Variants in MALRD1 observed in about 807,000 individuals in gnomAD.
The protein encoded by MALRD1 is MAM and LDL receptor class A domain containing 1, also known as MAM and LDL-receptor class A domain-containing protein 1.
In MALRD1, 247 loss-of-function variants were observed where a neutral mutation model predicts 242.1. That is an observed-to-expected ratio of 1.02 (90% CI 0.92 to 1.13). The LOEUF is 1.13. Ranked by LOEUF, MALRD1 falls within the 50% of genes most tolerant of loss-of-function variation. The pLI is 0.00. For missense variants in MALRD1, 2,989 were observed against 2,533.1 expected (o/e 1.18, Z -3.86); for synonymous variants, 995 against 866.6 (o/e 1.15, Z -2.60).
chr10:19,696,891 G>A (rs1351800077), intron 38 of MALRD1, among the ~76,000 whole-genome samples: 1 of 152,092 alleles, frequency 6.6e-6, no homozygotes, highest in Non-Finnish European at 1.5e-5. Context: ...ACTCCAACCT[G>A]GGTGACAAAG....
rs1312987699 is a variant in MALRD1 at position 19,491,218 on chromosome 10, C to T, written c.5030-299C>T. 8.3e-6 allele frequency: 5 copies of T among 602,306 alleles called. No homozygotes were observed. The Admixed American group carries it at 1.2e-4, about 14-fold the overall frequency. 37.3% of individuals were successfully genotyped at this position (602,306 alleles called of 1,614,324 possible). ...GTGGCAGGCTGCACATACCCTTTAC[C>T]AGGTTCCAGGTAGTTGTGGGCCACA... On this transcript the variant is annotated intron_variant, in intron 29 of 39. Transcript: ENST00000454679.
chr10:19,486,405 T>C (rs1394262148), intron 29 of MALRD1, among the ~76,000 whole-genome samples: 4 of 152,314 alleles, frequency 2.6e-5, no homozygotes, highest in South Asian at 4.2e-4. Context: ...TTAGGACTTT[T>C]CTTAGATATG....
intron 28 of MALRD1, among the ~76,000 whole-genome samples, chr10:19,406,626 C>A (rs11815610): frequency 6.6e-6 from 1 of 151,902 alleles, no homozygotes; most frequent in African/African-American, 2.4e-5. Flanking sequence ...TTATTCATGA[C>A]GAATAAATAT....
At chr10:19,580,168 C>A (rs1021996796) in intron 33 of MALRD1, among the ~76,000 whole-genome samples, 1 of 152,144 alleles carries the variant, frequency 6.6e-6, no homozygotes, top group African/African-American at 2.4e-5. Flanking sequence ...TTAATATATT[C>A]TATCACTTTT....
intron 1 of MALRD1, among the ~76,000 whole-genome samples, chr10:19,059,772 G>A (rs60164187): frequency 0.077 from 11,767 of 152,026 alleles, 715 homozygotes; most frequent in East Asian, 0.3. Context: ...ATTAGCAATT[G>A]TGCTTATTTT....
At chr10:19,206,452 CT>C (rs1311477812) in intron 17 of MALRD1, among the ~76,000 whole-genome samples, 1 of 152,080 alleles carries the variant, frequency 6.6e-6, no homozygotes. Context: ...TTTCGAAAGC[CT>C]TTTCATCTTT....
At position 19,066,838 on chromosome 10, in the gene MALRD1, G is replaced by C; in HGVS notation, c.319G>C (p.Asp107His). 6.5e-6 allele frequency: 8 copies of C among 1,233,612 alleles called. No individual in the cohort carries two copies. The highest frequency in any genetic ancestry group is 7.1e-6 in the Non-Finnish European group (7 of 988,012). The allele number at this position is 1,233,612 out of a possible 1,614,324, so 76.4% of individuals were successfully genotyped here. A position where few individuals can be genotyped will look rare whatever the true frequency, so the allele number is the denominator to read the frequency against. ...GATTGGTCTATCACCTCCATTTTATGATCACAATGGTGATGTGTCTGGTAA... is the reference window on the plus strand; with the variant it reads ...GATTGGTCTATCACCTCCATTTTATCATCACAATGGTGATGTGTCTGGTAA... ...GMIGLSPPFY[D>H]HNGDVSAHFL... Residue 107 changes from aspartate (D) to histidine (H), a missense_variant, in exon 2 of 40, where the codon GAT becomes CAT. Coordinates refer to ENST00000454679, the MANE Select transcript of MALRD1 (RefSeq NM_001142308.3).
At chr10:19,159,985 A>G (rs1238356380) in intron 12 of MALRD1, among the ~76,000 whole-genome samples, 1 of 152,216 alleles carries the variant, frequency 6.6e-6, no homozygotes, top group Non-Finnish European at 1.5e-5. Flanking sequence ...CAATATTCAA[A>G]AAGAACTGTT....
intron 1 of MALRD1, among the ~76,000 whole-genome samples, chr10:19,064,604 T>C (rs1458021442): frequency 6.6e-6 from 1 of 150,994 alleles, no homozygotes; most frequent in Non-Finnish European, 1.5e-5. Context: ...GATGAAAAAA[T>C]GTTTTATTTA....
At chr10:19,495,812 G>A (rs1372406136) in intron 30 of MALRD1, among the ~76,000 whole-genome samples, 1 of 152,126 alleles carries the variant, frequency 6.6e-6, no homozygotes, top group Non-Finnish European at 1.5e-5. Flanking sequence ...CCAAGTGGTT[G>A]GCTGTCTTCA....
intron 28 of MALRD1, among the ~76,000 whole-genome samples, chr10:19,408,928 C>A (rs1028541648): frequency 6.6e-6 from 1 of 152,204 alleles, no homozygotes; most frequent in Non-Finnish European, 1.5e-5. Context: ...TATAATCCAG[C>A]AGTTGCACTG....
chr10:19,389,524 G>A lies in MALRD1; in HGVS notation c.4760G>A (p.Trp1587Ter), dbSNP rs1846244997. 6.4e-7 allele frequency: 1 copy of A among 1,550,540 alleles called. No individual in the cohort carries two copies. The highest frequency in any genetic ancestry group is 1.4e-5 in the African/African-American group (1 of 73,022). Residue 1587 changes from tryptophan (W) to a stop codon, truncating the protein, a stop_gained, in exon 28 of 40, where the codon TGG (tryptophan) becomes TAG (stop). Coordinates refer to ENST00000454679, the MANE Select transcript of MALRD1 (RefSeq NM_001142308.3). LOFTEE classifies it high-confidence loss of function. ...AAAGCACACTTCAGGAGTACCATGT[G>A]GCGAGAATCCAGTGCAGCCTGCACC... ...GDKAHFRSTM[W>*]RESSAACTMS...
At position 19,482,652 on chromosome 10, in the gene MALRD1, T is replaced by TACACACACACACACACACACAC. The variant is rs144094060; in HGVS notation, c.5030-8847_5030-8826dup. On this transcript the variant is annotated intron_variant, in intron 29 of 39. Coordinates refer to ENST00000454679, the MANE Select transcript of MALRD1 (RefSeq NM_001142308.3). ...AGAGCACAATCCCATTTACAATAGC[T>TACACACACACACACACACACAC]ACACACACACACACACACACACACA... is the stretch of plus-strand genomic sequence containing the variant. 8.8e-5 allele frequency among the ~76,000 whole-genome samples: 12 copies of TACACACACACACACACACACAC among 136,434 alleles called. No homozygotes were observed. In the East Asian group the frequency reaches 2.0e-3, roughly 23 times the overall value. 89.5% of individuals were successfully genotyped at this position (136,434 alleles called of 152,430 possible). A position where few individuals can be genotyped will look rare whatever the true frequency, so the allele number is the denominator to read the frequency against.
At chr10:19,194,013 A>G (rs1003712373) in intron 14 of MALRD1, among the ~76,000 whole-genome samples, 1 of 151,974 alleles carries the variant, frequency 6.6e-6, no homozygotes, top group Non-Finnish European at 1.5e-5. Context: ...CATCTACATT[A>G]CTATAGTATA....
At chr10:19,158,467 G>A (rs1003658470) in intron 12 of MALRD1, among the ~76,000 whole-genome samples, 2 of 152,226 alleles carry the variant, frequency 1.3e-5, no homozygotes, top group African/African-American at 4.8e-5. Context: ...CCAAAGTAAA[G>A]TTTATGAGGG....
At chr10:19,179,010 G>A (rs1215214967) in intron 14 of MALRD1, among the ~76,000 whole-genome samples, 1 of 152,182 alleles carries the variant, frequency 6.6e-6, no homozygotes, top group African/African-American at 2.4e-5. Flanking sequence ...AACTAGAGGC[G>A]ATGAATGAAA....
intron 38 of MALRD1, among the ~76,000 whole-genome samples, chr10:19,706,294 GATTTTCATTTATTTT>G (rs1023002473): frequency 9.2e-5 from 14 of 152,252 alleles, no homozygotes; most frequent in East Asian, 5.8e-4. Context: ...TAACAAAAGA[GATTTTCATTTATTTT>G]ATTTTCATTT....
chr10:19,310,457 G>C (rs983204404), intron 21 of MALRD1, among the ~76,000 whole-genome samples: 1 of 151,538 alleles, frequency 6.6e-6, no homozygotes, highest in Non-Finnish European at 1.5e-5. Flanking sequence ...ACAAAAAGCA[G>C]CTAGATAAAG....
Position 19,368,883 on chromosome 10 carries a change from GTGTGTGTT to G in MALRD1, c.4441+16594_4441+16601del, listed in dbSNP as rs1449212720. ...TGGTGATTTGTGTATGTGTGTGTGT[GTGTGTGTT>G]TGTGTGTGTGTGTGTGTGTGTGTGT... On this transcript the variant is annotated intron_variant, in intron 26 of 39. Transcript: ENST00000454679. Among the ~76,000 whole-genome samples, 5 of 139,770 alleles carry G rather than the reference GTGTGTGTT, an allele frequency of 3.6e-5. No homozygotes were observed. The South Asian group carries it at 7.0e-4, about 20-fold the overall frequency. 91.7% of individuals were successfully genotyped at this position (139,770 alleles called of 152,430 possible).
Sources: allele counts gnomAD v4.1 joint callset (sites outside exome capture counted in the v4.1 genomes callset), GRCh38; gene constraint gnomAD v4.1.1; transcripts MANE v1.5; gene names NCBI Gene and HGNC (gene_info 2026-07-23, HGNC 2026-07-21).